Variants in PLCB4 observed in about 807,000 individuals in gnomAD.
PLCB4 encodes phospholipase C beta 4.
In PLCB4, 77 loss-of-function variants were observed where a neutral mutation model predicts 178.8. That is an observed-to-expected ratio of 0.43 (90% confidence interval 0.36 to 0.52). PLCB4 has a LOEUF of 0.52. Among genes scored for constraint, PLCB4 ranks in the 20% least tolerant of loss-of-function variants. The pLI is 0.00. For synonymous variants in PLCB4, 496 were observed against 490.8 expected, an observed-to-expected ratio of 1.01 and a Z score of -0.14; for missense variants, 1,024 against 1,453.4, an observed-to-expected ratio of 0.70 and a Z score of 4.80.
intron 7 of PLCB4, among the ~76,000 whole-genome samples, chr20:9,349,359 C>T (rs961806948): frequency 6.6e-6 from 1 of 152,170 alleles, no homozygotes. Flanking sequence ...ACACACTTTC[C>T]TTTTTATATG....
intron 2 of PLCB4, among the ~76,000 whole-genome samples, chr20:9,118,186 G>A (rs1352961272): frequency 1.3e-5 from 2 of 149,228 alleles, no homozygotes; most frequent in African/African-American, 4.9e-5. Context: ...TCGTCATCTA[G>A]CATTAGGTAT....
At chr20:9,282,663 T>A (rs2094504152) in intron 3 of PLCB4, among the ~76,000 whole-genome samples, 1 of 152,156 alleles carries the variant, frequency 6.6e-6, no homozygotes, top group East Asian at 1.9e-4. Context: ...GGTTAGCTTT[T>A]GTTGTGTAAC....
At chr20:9,449,401 G>A (rs1222132935) in intron 32 of PLCB4, among the ~76,000 whole-genome samples, 1 of 152,134 alleles carries the variant, frequency 6.6e-6, no homozygotes, top group Non-Finnish European at 1.5e-5. Flanking sequence ...AGTTGGACAG[G>A]TGTTGACTCC....
chr20:9,422,419 A>G (rs1043132916), intron 27 of PLCB4, among the ~76,000 whole-genome samples: 2 of 152,222 alleles, frequency 1.3e-5, no homozygotes, highest in African/African-American at 2.4e-5. Flanking sequence ...CTGTCAGGAT[A>G]TGGTGTAAAT....
chr20:9,468,469 A>G, intron 35 of PLCB4, 102 bp from the exon 36 acceptor site: 3 of 725,290 alleles, frequency 4.1e-6, no homozygotes, highest in Non-Finnish European at 2.5e-6. Flanking sequence ...ACTGCCACCC[A>G]CCTCTAGAAC....
At chr20:9,145,646 G>A (rs956071618) in intron 2 of PLCB4, among the ~76,000 whole-genome samples, 4 of 151,860 alleles carry the variant, frequency 2.6e-5, no homozygotes, top group African/African-American at 4.8e-5. Flanking sequence ...CTTCCCATTC[G>A]TTCATTTCAT....
intron 3 of PLCB4, among the ~76,000 whole-genome samples, chr20:9,306,355 C>T (rs1601736248): frequency 6.6e-6 from 1 of 151,760 alleles, no homozygotes; most frequent in East Asian, 1.9e-4. Context: ...GATCCACCCC[C>T]TCCCCCCACC....
At chr20:9,098,351 A>C (rs573139527) in intron 2 of PLCB4, among the ~76,000 whole-genome samples, 4 of 152,294 alleles carry the variant, frequency 2.6e-5, no homozygotes, top group African/African-American at 9.6e-5. Flanking sequence ...AATCATCTGC[A>C]TCACGTATCT....
At chr20:9,388,918 CAAT>C (rs1217082454) in intron 15 of PLCB4, among the ~76,000 whole-genome samples, 2 of 152,130 alleles carry the variant, frequency 1.3e-5, no homozygotes, top group Non-Finnish European at 2.9e-5. Flanking sequence ...AGGAATGCCT[CAAT>C]AAAATATTTC....
intron 6 of PLCB4, 66 bp from the exon 7 acceptor site, chr20:9,338,828 C>T: frequency 1.6e-6 from 2 of 1,244,040 alleles, no homozygotes; most frequent in Non-Finnish European, 2.3e-6. Context: ...TTCTTTTTAC[C>T]ACGTTTCTTC....
intron 2 of PLCB4, among the ~76,000 whole-genome samples, chr20:9,210,303 T>C (rs539399470): frequency 1.3e-5 from 2 of 152,320 alleles, no homozygotes; most frequent in African/African-American, 4.8e-5. Context: ...TTAGATGCTT[T>C]CTCGGGAGGG....
intron 2 of PLCB4, among the ~76,000 whole-genome samples, chr20:9,128,093 T>G (rs1231559021): frequency 6.6e-6 from 1 of 152,166 alleles, no homozygotes; most frequent in Non-Finnish European, 1.5e-5. Context: ...GTTTGGATCA[T>G]GGGCACGGAT....
chr20:9,188,835 T>C lies in PLCB4; in HGVS notation c.-78-28555T>C, dbSNP rs33992504. On this transcript the variant is annotated intron_variant, in intron 2 of 39. Coordinates refer to ENST00000378473, the MANE Select transcript of PLCB4 (RefSeq NM_001377142.1). ...TATAGTGACATTCTGGGTTGGTTAA[T>C]TGTTCACTGTGGAGGGCTGTCATAT... 7.0e-3 allele frequency among the ~76,000 whole-genome samples: 548 copies of C among 78,530 alleles called. 1 individual carries two copies. Among genetic ancestry groups the C allele is most frequent in the African/African-American group, 9.7e-3 (136 of 14,054 alleles). 51.5% of individuals were successfully genotyped at this position (78,530 alleles called of 152,430 possible). A position where few individuals can be genotyped will look rare whatever the true frequency, so the allele number is the denominator to read the frequency against.
intron 2 of PLCB4, among the ~76,000 whole-genome samples, chr20:9,180,355 A>G (rs186018233): frequency 3.3e-5 from 5 of 152,308 alleles, no homozygotes; most frequent in Admixed American, 1.3e-4. Flanking sequence ...CAGCGATTTA[A>G]ATCTCACAAG....
At chr20:9,448,292 T>C (rs2042539439) in intron 32 of PLCB4, among the ~76,000 whole-genome samples, 1 of 152,134 alleles carries the variant, frequency 6.6e-6, no homozygotes, top group South Asian at 2.1e-4. Context: ...TCTTTTATAA[T>C]AGTTTTCAGC....
intron 2 of PLCB4, among the ~76,000 whole-genome samples, chr20:9,131,916 T>A (rs1009834252): frequency 6.6e-6 from 1 of 152,144 alleles, no homozygotes; most frequent in East Asian, 1.9e-4. Flanking sequence ...TGGACTAGAC[T>A]ATTAAGTGAT....
intron 34 of PLCB4, among the ~76,000 whole-genome samples, chr20:9,458,328 C>A (rs568000185): frequency 6.6e-6 from 1 of 152,310 alleles, no homozygotes; most frequent in African/African-American, 2.4e-5. Context: ...ATTCCCCACT[C>A]TCTCTCTTCT....
chr20:9,193,360 G>A (rs758214433), intron 2 of PLCB4, among the ~76,000 whole-genome samples: 1 of 152,240 alleles, frequency 6.6e-6, no homozygotes, highest in African/African-American at 2.4e-5. Context: ...AACATGCCTC[G>A]GAATTTTCCT....
At chr20:9,175,839 C>T (rs1028879464) in intron 2 of PLCB4, among the ~76,000 whole-genome samples, 7 of 152,136 alleles carry the variant, frequency 4.6e-5, no homozygotes, top group African/African-American at 1.4e-4. Flanking sequence ...GTCCATTGGG[C>T]CTGTTAAAAT....
Sources: allele counts gnomAD v4.1 joint callset (sites outside exome capture counted in the v4.1 genomes callset), GRCh38; gene constraint gnomAD v4.1.1; transcripts MANE v1.5; gene names NCBI Gene and HGNC (gene_info 2026-07-23, HGNC 2026-07-21).